The following BICRA variants were observed in gnomAD, a reference collection of about 807,000 sequenced individuals.
BICRA encodes the protein BRD4-interacting chromatin-remodeling complex-associated protein.
A neutral mutation model predicts 96.9 loss-of-function variants in BICRA; 31 were observed. The observed-to-expected ratio is 0.32, with a 90% CI of 0.24 to 0.43. The LOEUF (loss-of-function observed/expected upper bound fraction) is 0.43, where lower values mean the gene tolerates loss of function less well. BICRA is among the 20% of genes least tolerant of loss of function. The pLI is 1.00. For synonymous variants in BICRA, 1,350 were observed against 1,071.8 expected, an observed-to-expected ratio of 1.26 and a Z score of -5.07; for missense variants, 2,283 against 2,190.3, an observed-to-expected ratio of 1.04 and a Z score of -0.84.
At chr19:47,688,469 A>G (rs1973191504) in intron 7 of BICRA, among the ~76,000 whole-genome samples, 1 of 152,090 alleles carries the variant, frequency 6.6e-6, no homozygotes, top group Non-Finnish European at 1.5e-5. Context: ...CACATGTAAT[A>G]CCACTGTGTG....
At chr19:47,613,592 C>G (rs1014857457) in intron 1 of BICRA, among the ~76,000 whole-genome samples, 1 of 152,176 alleles carries the variant, frequency 6.6e-6, no homozygotes, top group Non-Finnish European at 1.5e-5. Context: ...GCTCCCCCAG[C>G]AGAAGAATTG....
intron 1 of BICRA, among the ~76,000 whole-genome samples, chr19:47,633,863 T>C (rs1214051351): frequency 6.6e-6 from 1 of 152,236 alleles, no homozygotes; most frequent in African/African-American, 2.4e-5. Flanking sequence ...AATATTCATA[T>C]GTTTAGCTCA....
Position 47,695,408 on chromosome 19 carries a change from C to T in BICRA, c.3120C>T (p.Ser1040=), listed in dbSNP as rs553305137. The T allele has an allele frequency of 5.1e-6, 8 of 1,583,642 alleles. No individual in the cohort carries two copies. In the Admixed American group the frequency reaches 1.2e-4, roughly 24 times the overall value. ...LLPAENKAFA[S]NLPTLNVAKA... is the part of the protein sequence containing the mutation. Reference sequence around the variant, plus strand: ...CAGCCGAGAACAAGGCTTTTGCCAGCAACCTCCCGACCCTGAATGTGGCCA... The same window carrying T: ...CAGCCGAGAACAAGGCTTTTGCCAGTAACCTCCCGACCCTGAATGTGGCCA... The change falls in exon 10 of 15, where the codon AGC becomes AGT. Residue 1040 remains serine, a synonymous_variant. Transcript: ENST00000594866.
At chr19:47,695,342 T>TCGGGGGGGGGGC in intron 9 of BICRA, 23 bp from the exon 10 acceptor site, 2 of 630,200 alleles carry the variant, frequency 3.2e-6, no homozygotes, top group South Asian at 1.9e-5. Flanking sequence ...AGGCCCTGTC[T>TCGGGGGGGGGGC]CCCCCACCCC....
chr19:47,688,085 G>A (rs190142710), intron 7 of BICRA, among the ~76,000 whole-genome samples: 1 of 152,034 alleles, frequency 6.6e-6, no homozygotes, highest in African/African-American at 2.4e-5. Flanking sequence ...CTCTAATTGT[G>A]TGTGAAGTTG....
intron 1 of BICRA, among the ~76,000 whole-genome samples, chr19:47,628,827 C>T (rs1972177469): frequency 6.6e-6 from 1 of 151,902 alleles, no homozygotes; most frequent in Non-Finnish European, 1.5e-5. Flanking sequence ...AGGCTGGTCT[C>T]AAACTCCTGG....
intron 1 of BICRA, among the ~76,000 whole-genome samples, chr19:47,647,373 G>A (rs1428042534): frequency 1.3e-5 from 2 of 152,092 alleles, no homozygotes; most frequent in Non-Finnish European, 2.9e-5. Flanking sequence ...ACTCTTCCAC[G>A]GCAGCGGCAC....
intron 1 of BICRA, among the ~76,000 whole-genome samples, chr19:47,644,781 G>A (rs1381726502): frequency 6.6e-6 from 1 of 152,134 alleles, no homozygotes; most frequent in East Asian, 1.9e-4. Flanking sequence ...GATTCCAGGC[G>A]TGAGCCACCG....
At chr19:47,655,093 G>A (rs1414256505) in intron 1 of BICRA, among the ~76,000 whole-genome samples, 1 of 152,054 alleles carries the variant, frequency 6.6e-6, no homozygotes, top group Non-Finnish European at 1.5e-5. Context: ...GAGTCACCTG[G>A]TGCACACATC....
intron 1 of BICRA, among the ~76,000 whole-genome samples, chr19:47,638,596 TTCTC>T (rs571988559): frequency 3.0e-5 from 4 of 134,160 alleles, no homozygotes; most frequent in African/African-American, 6.1e-5. Flanking sequence ...CTCTCTCTGT[TTCTC>T]TCTCTCTCTC....
intron 1 of BICRA, among the ~76,000 whole-genome samples, chr19:47,619,037 C>G (rs1972023604): frequency 6.6e-6 from 1 of 152,170 alleles, no homozygotes; most frequent in South Asian, 2.1e-4. Flanking sequence ...CACTTGGCGC[C>G]CGGCCTGGGT....
intron 1 of BICRA, among the ~76,000 whole-genome samples, chr19:47,634,037 G>A (rs1972262379): frequency 6.6e-6 from 1 of 152,154 alleles, no homozygotes; most frequent in Non-Finnish European, 1.5e-5. Flanking sequence ...TGTAAATTCC[G>A]TTTCCCCCTC....
At chr19:47,660,234 G>A (rs187330215) in intron 1 of BICRA, among the ~76,000 whole-genome samples, 2 of 152,178 alleles carry the variant, frequency 1.3e-5, no homozygotes, top group East Asian at 1.9e-4. Context: ...AGCTCTAGGT[G>A]GTCCTTGGCT....
chr19:47,698,556 G>T lies in BICRA; in HGVS notation c.3249-78G>T. 1.4e-6 allele frequency: 1 copy of T among 723,394 alleles called. No homozygotes were observed. The highest frequency in any genetic ancestry group is 1.6e-5 in the South Asian group (1 of 64,216). 44.8% of individuals were successfully genotyped at this position (723,394 alleles called of 1,614,324 possible). A position where few individuals can be genotyped will look rare whatever the true frequency, so the allele number is the denominator to read the frequency against. ...TGTTCAGTTGCGGCCTGGGGCTGAG[G>T]GTTCAGGGACTTCCCCTGGCCCTCA... is the stretch of plus-strand genomic sequence containing the variant. On this transcript the variant is annotated intron_variant, in intron 11 of 14. Coordinates refer to ENST00000594866, the MANE Select transcript of BICRA (RefSeq NM_001394372.1). This position sits in a 1 kb window ranked among gnomAD's most constrained non-coding sequence, Gnocchi z 4.8.
At chr19:47,636,757 C>T (rs1460830192) in intron 1 of BICRA, among the ~76,000 whole-genome samples, 1 of 152,198 alleles carries the variant, frequency 6.6e-6, no homozygotes, top group Non-Finnish European at 1.5e-5. Flanking sequence ...ATCCTCCGAT[C>T]TTGGCCTCCC....
chr19:47,629,956 C>T (rs1428572773), intron 1 of BICRA, among the ~76,000 whole-genome samples: 2 of 152,192 alleles, frequency 1.3e-5, no homozygotes, highest in East Asian at 1.9e-4. Flanking sequence ...CCACGGCGCC[C>T]GGCCACCCAT....
intron 1 of BICRA, among the ~76,000 whole-genome samples, chr19:47,637,093 A>G (rs747502753): frequency 2.6e-5 from 4 of 151,826 alleles, no homozygotes; most frequent in Non-Finnish European, 4.4e-5. Context: ...CATGCCATCT[A>G]TTTTACATTG....
Position 47,698,781 on chromosome 19 carries a change from A to T in BICRA, c.3396A>T (p.Lys1132Asn). The T allele has an allele frequency of 1.9e-6, 3 of 1,601,030 alleles. No homozygotes were observed. Among genetic ancestry groups the T allele is most frequent in the Non-Finnish European group, 2.6e-6 (3 of 1,173,104 alleles). ...TCCCCTCCCCCAGTGACTACCACAA[A>T]GGTGAGGCCTCCCCAGGACACGGCC... ...GALPSPSDYH[K>N]VDEEFETVST... is the part of the protein sequence containing the mutation. The change falls in exon 12 of 15, where the codon AAA (lysine) becomes AAT (asparagine). Residue 1132 changes from lysine (K) to asparagine (N), a missense_variant and splice_region_variant. Physicochemically the swap from Lys to Asn is moderately conservative, Grantham distance 94. Coordinates refer to ENST00000594866, the MANE Select transcript of BICRA (RefSeq NM_001394372.1). The surrounding 1 kb of genome is among the most constrained non-coding windows in gnomAD (Gnocchi z 4.8).
chr19:47,637,242 C>T (rs1972313122), intron 1 of BICRA, among the ~76,000 whole-genome samples: 1 of 151,316 alleles, frequency 6.6e-6, no homozygotes, highest in African/African-American at 2.4e-5. Context: ...GCCTCAGCCT[C>T]CCAAGCAGCT....
Sources: gnomAD v4.1 joint callset for allele counts (sites outside exome capture counted in the v4.1 genomes callset) on GRCh38, gnomAD v4.1.1 for gene constraint, Gnocchi (gnomAD v3.1) non-coding constraint, MANE v1.5 for transcripts, NCBI Gene and HGNC (gene_info 2026-07-23, HGNC 2026-07-21) for gene names.